The following MME variants were observed in gnomAD, a reference collection of about 807,000 sequenced individuals.
MME encodes membrane metalloendopeptidase.
A neutral mutation model predicts 113.2 loss-of-function variants in MME; 98 were observed. That is an observed-to-expected ratio of 0.87 (90% confidence interval 0.74 to 1.02). The LOEUF is 1.02. MME is among the 50% of genes least tolerant of loss of function. The pLI is 0.00. For synonymous variants in MME, 292 were observed against 300.6 expected, an observed-to-expected ratio of 0.97 and a Z score of 0.30; for missense variants, 836 against 896.0, an observed-to-expected ratio of 0.93 and a Z score of 0.86.
chr3:155,099,062 A>C (rs1716987297), intron 3 of MME, among the ~76,000 whole-genome samples: 1 of 152,196 alleles, frequency 6.6e-6, no homozygotes, highest in Non-Finnish European at 1.5e-5. Context: ...CCAAGTGATA[A>C]CAGAAAACTA....
chr3:155,070,922 C>T (rs914059871), intron 1 of MME, among the ~76,000 whole-genome samples: 6 of 152,210 alleles, frequency 3.9e-5, no homozygotes, highest in African/African-American at 1.4e-4. Flanking sequence ...GGGTTTATTC[C>T]TGTGGCTGCT....
chr3:155,039,904 A>G (rs1713252516), intron 1 of MME, among the ~76,000 whole-genome samples: 1 of 152,176 alleles, frequency 6.6e-6, no homozygotes, highest in South Asian at 2.1e-4. Flanking sequence ...GACTAAATCT[A>G]ACTGATTAAT....
intron 14 of MME, among the ~76,000 whole-genome samples, chr3:155,146,291 C>T (rs1245233603): frequency 2.6e-5 from 4 of 151,908 alleles, no homozygotes; most frequent in Non-Finnish European, 1.5e-5. Flanking sequence ...TTTGGGAGGC[C>T]GAGGCAGGCA....
intron 8 of MME, among the ~76,000 whole-genome samples, chr3:155,128,937 T>C (rs1209485260): frequency 6.6e-6 from 1 of 152,210 alleles, no homozygotes; most frequent in East Asian, 1.9e-4. Flanking sequence ...ATAGCATACA[T>C]TTCTTTAGCA....
At chr3:155,047,501 A>C (rs1331833859) in intron 1 of MME, among the ~76,000 whole-genome samples, 2 of 152,186 alleles carry the variant, frequency 1.3e-5, no homozygotes, top group Non-Finnish European at 2.9e-5. Flanking sequence ...AATAGTACTT[A>C]TCACCTCTAA....
chr3:155,110,462 G>A (rs1295893159), intron 3 of MME, among the ~76,000 whole-genome samples: 1 of 152,188 alleles, frequency 6.6e-6, no homozygotes, highest in Non-Finnish European at 1.5e-5. Flanking sequence ...TTTTCAGTGA[G>A]GAATACAGTA....
At chr3:155,131,891 A>C (rs1243076060) in intron 8 of MME, among the ~76,000 whole-genome samples, 1 of 152,130 alleles carries the variant, frequency 6.6e-6, no homozygotes, top group Non-Finnish European at 1.5e-5. Flanking sequence ...CTTTTTTGGT[A>C]GGAAATAATC....
upstream of MME, among the ~76,000 whole-genome samples, chr3:155,078,222 G>GA (rs894046126): frequency 2.1e-4 from 32 of 151,342 alleles, no homozygotes; most frequent in Non-Finnish European, 2.2e-4. Flanking sequence ...GACTCTGTAG[G>GA]AAAAAAAAAT....
At chr3:155,102,991 C>T (rs1306064009) in intron 3 of MME, among the ~76,000 whole-genome samples, 1 of 152,178 alleles carries the variant, frequency 6.6e-6, no homozygotes, top group Non-Finnish European at 1.5e-5. Context: ...GGACACAGCT[C>T]AGAACCTGAC....
chr3:155,103,127 T>C (rs903180546), intron 3 of MME, among the ~76,000 whole-genome samples: 1 of 152,232 alleles, frequency 6.6e-6, no homozygotes, highest in Admixed American at 6.5e-5. Context: ...ATCCCACTTG[T>C]TATTAGTTGT....
intron 1 of MME, among the ~76,000 whole-genome samples, chr3:155,042,940 G>GTATATATATATATATATATGTA (rs57585504): frequency 9.3e-5 from 5 of 53,578 alleles, no homozygotes; most frequent in Non-Finnish European, 1.6e-4. Flanking sequence ...ATATATATAT[G>GTATATATATATATATATATGTA]TATATATATA....
At chr3:155,088,368 G>T (rs889353436) in intron 3 of MME, among the ~76,000 whole-genome samples, 1 of 152,122 alleles carries the variant, frequency 6.6e-6, no homozygotes, top group African/African-American at 2.4e-5. Flanking sequence ...CCAGAGTAGA[G>T]TAGATGGAAA....
upstream of MME, among the ~76,000 whole-genome samples, chr3:155,079,038 C>G (rs933699419): frequency 7.2e-5 from 11 of 152,028 alleles, no homozygotes; most frequent in Non-Finnish European, 7.4e-5. Flanking sequence ...GATGTACACA[C>G]GTTTTAAGAT....
At chr3:155,099,159 G>T (rs1226783026) in intron 3 of MME, among the ~76,000 whole-genome samples, 1 of 152,172 alleles carries the variant, frequency 6.6e-6, no homozygotes, top group Non-Finnish European at 1.5e-5. Context: ...CAGTACACGT[G>T]TTGTCATATG....
chr3:155,133,700 T>G (rs1177800197), intron 8 of MME, among the ~76,000 whole-genome samples: 2 of 142,680 alleles, frequency 1.4e-5, no homozygotes, highest in Non-Finnish European at 3.0e-5. Flanking sequence ...CATACATATA[T>G]AGTGTGTGTA....
At chr3:155,090,250 G>A (rs1576710512) in intron 3 of MME, 1 of 152,280 alleles carries the variant, frequency 6.6e-6, no homozygotes, top group African/African-American at 2.4e-5. Context: ...GAAAACTTTT[G>A]ATGATTACTT....
At chr3:155,135,862 A>G (rs1034058725) in intron 8 of MME, among the ~76,000 whole-genome samples, 2 of 152,074 alleles carry the variant, frequency 1.3e-5, no homozygotes, top group African/African-American at 2.4e-5. Context: ...TTAGTCAGAT[A>G]TACTCTTAGA....
At chr3:155,058,213 C>T (rs560257284) in intron 1 of MME, among the ~76,000 whole-genome samples, 2 of 152,230 alleles carry the variant, frequency 1.3e-5, no homozygotes, top group Admixed American at 1.3e-4. Context: ...CAATATTTGA[C>T]CCAAGGTGTT....
At chr3:155,118,863 A>G in intron 8 of MME, 52 bp downstream of exon 8, 1 of 1,140,520 alleles carries the variant, frequency 8.8e-7, no homozygotes, top group Non-Finnish European at 1.3e-6. Context: ...TCTGGTGTAA[A>G]CCTACAAGTA....
Sources: allele counts gnomAD v4.1 joint callset (sites outside exome capture counted in the v4.1 genomes callset), GRCh38; gene constraint gnomAD v4.1.1; transcripts MANE v1.5; gene names NCBI Gene and HGNC (gene_info 2026-07-23, HGNC 2026-07-21).